Variants in ADD3 observed in about 807,000 individuals in gnomAD.
ADD3 encodes the protein adducin 3, also known as gamma-adducin.
Under a neutral mutation model 80.2 loss-of-function variants are expected in ADD3, and 25 were observed. The observed-to-expected ratio is 0.31, with a 90% CI of 0.23 to 0.44. The LOEUF (loss-of-function observed/expected upper bound fraction) is 0.44. Ranked by LOEUF, ADD3 falls within the 20% of genes least tolerant of loss-of-function variation. ADD3 has a pLI of 1.00. For missense variants in ADD3, 829 were observed against 847.5 expected (o/e 0.98, Z 0.27); for synonymous variants, 284 against 289.6 (o/e 0.98, Z 0.20).
chr10:110,116,271 T>C lies in ADD3; in HGVS notation c.347T>C (p.Val116Ala). Residue 116 changes from valine (V) to alanine (A), a missense_variant, in exon 4 of 15, where the codon GTC becomes GCC. Physicochemically the swap from Val to Ala is moderately conservative, Grantham distance 64. Coordinates refer to ENST00000356080, the MANE Select transcript of ADD3 (RefSeq NM_016824.5). ...FSSPPLSLGM[V>A]TPINDLPGAD... ...TTTGCTCTTTTAGGTCTTGGCATGG[T>C]CACACCTATCAATGACCTTCCTGGT... The C allele has an allele frequency of 6.2e-7, 1 of 1,614,046 alleles. No homozygotes were observed. Among genetic ancestry groups the C allele is most frequent in the Non-Finnish European group, 8.5e-7 (1 of 1,179,964 alleles).
chr10:110,129,149 T>C (rs1161167528), intron 12 of ADD3, among the ~76,000 whole-genome samples: 3 of 148,470 alleles, frequency 2.0e-5, no homozygotes, highest in Non-Finnish European at 4.4e-5. Flanking sequence ...TTTCTTTCTT[T>C]CTTTTTTTTT....
chr10:110,087,887 G>C (rs1179910936), intron 1 of ADD3, among the ~76,000 whole-genome samples: 1 of 152,158 alleles, frequency 6.6e-6, no homozygotes, highest in Non-Finnish European at 1.5e-5. Context: ...GAGGCCAGAG[G>C]TCCAAAATCA....
chr10:110,040,954 G>GTCTCTC (rs1564879691), intron 1 of ADD3, among the ~76,000 whole-genome samples: 3 of 29,572 alleles, frequency 1.0e-4, no homozygotes, highest in Non-Finnish European at 3.4e-4. Context: ...CGCTCTCTCT[G>GTCTCTC]TCTCTCTCTG....
intron 1 of ADD3, among the ~76,000 whole-genome samples, chr10:110,071,442 G>C (rs966394349): frequency 1.3e-5 from 2 of 152,154 alleles, no homozygotes; most frequent in Non-Finnish European, 2.9e-5. Flanking sequence ...CAAAGATTTA[G>C]AAAGTAAAAA....
chr10:110,073,078 T>C (rs73351021), intron 1 of ADD3, among the ~76,000 whole-genome samples: 12,225 of 151,590 alleles, frequency 0.081, 1,593 homozygotes, highest in African/African-American at 0.28. Flanking sequence ...CTGTTCGACT[T>C]ATCTCCATTG....
chr10:110,095,070 T>G (rs924061481), intron 1 of ADD3, among the ~76,000 whole-genome samples: 2 of 152,238 alleles, frequency 1.3e-5, no homozygotes, highest in Non-Finnish European at 2.9e-5. Flanking sequence ...AAACCAGATT[T>G]ATTTGGAAGG....
At chr10:110,118,370 T>A (rs571809847) in intron 5 of ADD3, among the ~76,000 whole-genome samples, 50 of 152,314 alleles carry the variant, frequency 3.3e-4, no homozygotes, top group African/African-American at 1.2e-3. Flanking sequence ...AATAAAGTTT[T>A]ATGGGAACAA....
At chr10:110,019,377 C>T (rs779357955) in intron 1 of ADD3, among the ~76,000 whole-genome samples, 4 of 142,748 alleles carry the variant, frequency 2.8e-5, no homozygotes, top group Non-Finnish European at 6.0e-5. Flanking sequence ...TTTTTTGAGA[C>T]GGAGTCTTGC....
rs563622821 is a variant in ADD3 at position 110,100,632 on chromosome 10, G to A, written c.-22G>A. 1 of 1,561,034 alleles carries A rather than the reference G, an allele frequency of 6.4e-7. No individual in the cohort carries two copies. Among genetic ancestry groups the A allele is most frequent in the South Asian group, 1.2e-5 (1 of 82,140 alleles). On this transcript the variant is annotated 5_prime_UTR_variant, in exon 2 of 15. Coordinates refer to ENST00000356080, the MANE Select transcript of ADD3 (RefSeq NM_016824.5). The stretch of plus-strand genomic sequence containing the variant: ...TTGTGTTTATTAATGCAGATAACAA[G>A]AGTAATCCACAGACTTAAAACATGA...
In ADD3 at chr10:110,125,937, A is replaced by C; in HGVS notation, c.1513A>C (p.Arg505=). 6.2e-7 allele frequency: 1 copy of C among 1,605,214 alleles called. No homozygotes were observed. The highest frequency in any genetic ancestry group is 8.5e-7 in the Non-Finnish European group (1 of 1,174,300). ...NTNPNEVLEK[R]NKIREQNRYD... ...AAACCCGAATGAGGTACTAGAAAAGAGAAATAAGGTAAGACATGGTCTTCT... is the reference window on the plus strand; with the variant it reads ...AAACCCGAATGAGGTACTAGAAAAGCGAAATAAGGTAAGACATGGTCTTCT... The change falls in exon 11 of 15, where the codon AGA becomes CGA. Residue 505 remains arginine (R), a synonymous_variant. Transcript: ENST00000356080.
chr10:110,082,289 TG>T (rs1846157707), intron 1 of ADD3, among the ~76,000 whole-genome samples: 1 of 152,194 alleles, frequency 6.6e-6, no homozygotes, highest in Admixed American at 6.5e-5. Context: ...CAGTAACTGT[TG>T]GGCATAAAAG....
At chr10:110,099,234 T>C (rs1848529186) in intron 1 of ADD3, among the ~76,000 whole-genome samples, 1 of 150,576 alleles carries the variant, frequency 6.6e-6, no homozygotes, top group African/African-American at 2.4e-5. Context: ...CAGCTTAAAC[T>C]CTATTTAAAA....
chr10:110,122,760 A>G (rs60753939), intron 9 of ADD3, among the ~76,000 whole-genome samples: 1,708 of 151,574 alleles, frequency 0.011, 33 homozygotes, highest in African/African-American at 0.038. Context: ...TATCTGGGAC[A>G]TAACGTGTGT....
intron 9 of ADD3, 28 bp downstream of exon 9, chr10:110,122,320 G>T: frequency 6.3e-7 from 1 of 1,599,010 alleles, no homozygotes; most frequent in South Asian, 1.1e-5. Context: ...AGTAAAACTT[G>T]GATTTAATGT....
chr10:110,113,047 T>A, intron 3 of ADD3, 132 bp downstream of exon 3: 2 of 913,166 alleles, frequency 2.2e-6, no homozygotes, highest in Non-Finnish European at 3.3e-6. Context: ...AGTAACATAG[T>A]GTTAGACCCT....
upstream of ADD3, among the ~76,000 whole-genome samples, chr10:110,007,461 G>A (rs2132892584): frequency 6.6e-6 from 1 of 152,354 alleles, no homozygotes; most frequent in African/African-American, 2.4e-5. Flanking sequence ...CAAAGCGGCG[G>A]CTCAGCCTCG....
upstream of ADD3, among the ~76,000 whole-genome samples, chr10:110,002,120 C>G (rs1385060913): frequency 6.6e-6 from 1 of 152,008 alleles, no homozygotes. Context: ...GGTGAAACCT[C>G]GTTTCTACTA....
At chr10:110,037,334 T>G (rs191827809) in intron 1 of ADD3, among the ~76,000 whole-genome samples, 154 of 152,276 alleles carry the variant, frequency 1.0e-3, no homozygotes, top group African/African-American at 3.6e-3. Flanking sequence ...ACCAGGCAGG[T>G]GACTCAACGC....
intron 1 of ADD3, among the ~76,000 whole-genome samples, chr10:110,066,454 C>T (rs762119686): frequency 1.3e-5 from 2 of 152,008 alleles, no homozygotes; most frequent in East Asian, 1.9e-4. Flanking sequence ...AGGATGGTCT[C>T]GATCTCCTGA....
Sources: allele counts gnomAD v4.1 joint callset (sites outside exome capture counted in the v4.1 genomes callset), GRCh38; gene constraint gnomAD v4.1.1; transcripts MANE v1.5; gene names NCBI Gene and HGNC (gene_info 2026-07-23, HGNC 2026-07-21).